The following AGAP1 variants were observed in gnomAD, a reference collection of about 807,000 sequenced individuals.
AGAP1 encodes ArfGAP with GTPase domain, ankyrin repeat and PH domain 1.
Under a neutral mutation model 105.3 loss-of-function variants are expected in AGAP1, and 29 were observed. The observed-to-expected ratio is 0.28, with a 90% CI of 0.21 to 0.38. AGAP1 has a LOEUF of 0.38. Ranked by LOEUF, AGAP1 falls within the 10% of genes least tolerant of loss-of-function variation. The pLI is 1.00. For synonymous variants in AGAP1, 509 were observed against 485.9 expected (o/e 1.05, Z -0.63); for missense variants, 998 against 1,165.1 (o/e 0.86, Z 2.09).
intron 16 of AGAP1, among the ~76,000 whole-genome samples, chr2:236,116,743 G>A (rs1300247664): frequency 1.4e-5 from 2 of 145,410 alleles, no homozygotes; most frequent in South Asian, 2.2e-4. Flanking sequence ...TTTATCCCTC[G>A]CCCCCCTCCC....
In AGAP1 at chr2:235,659,359, T is replaced by G. The variant is rs1947876348; in HGVS notation, c.164-49820T>G. On this transcript the variant is annotated intron_variant, in intron 1 of 17. Transcript: ENST00000304032. This position sits in a 1 kb window ranked among gnomAD's most constrained non-coding sequence, Gnocchi z 5.0. ...TGAATTAACGTCTGAAGTGCCACAG[T>G]GTTGTATCTGAGTGAGTAGCGTCCT... 6.6e-6 allele frequency among the ~76,000 whole-genome samples: 1 copy of G among 152,210 alleles called. No homozygotes were observed. Among genetic ancestry groups the G allele is most frequent in the Non-Finnish European group, 1.5e-5 (1 of 68,038 alleles).
intron 9 of AGAP1, among the ~76,000 whole-genome samples, chr2:235,833,224 T>C (rs575338353): frequency 1.1e-3 from 166 of 152,306 alleles, no homozygotes; most frequent in South Asian, 1.7e-3. Context: ...GCCGCCGTGC[T>C]GAGTGATGCC....
intron 1 of AGAP1, among the ~76,000 whole-genome samples, chr2:235,703,354 G>A (rs1315823032): frequency 2.6e-5 from 4 of 152,218 alleles, no homozygotes; most frequent in Admixed American, 6.5e-5. Context: ...CTGTCTCTGA[G>A]CGGGAGCATC....
At chr2:235,757,844 A>T (rs1243672618) in intron 6 of AGAP1, among the ~76,000 whole-genome samples, 1 of 152,180 alleles carries the variant, frequency 6.6e-6, no homozygotes, top group East Asian at 1.9e-4. Flanking sequence ...GTCCAGAACC[A>T]GGGGAGCTAT....
intron 16 of AGAP1, among the ~76,000 whole-genome samples, chr2:236,106,237 TTTGA>T (rs879665383): frequency 6.6e-5 from 10 of 152,310 alleles, no homozygotes; most frequent in Admixed American, 6.5e-4. Context: ...GTTTTAGAAC[TTTGA>T]TTGAAGCCTA....
chr2:235,896,735 T>C (rs1195729100), intron 10 of AGAP1, among the ~76,000 whole-genome samples: 1 of 152,228 alleles, frequency 6.6e-6, no homozygotes, highest in Non-Finnish European at 1.5e-5. Context: ...TTCTCCCATG[T>C]GTCAACAGTT....
In AGAP1 at chr2:235,574,054, C is replaced by G. The variant is rs1363231579; in HGVS notation, c.163+79205C>G. 6.6e-6 allele frequency among the ~76,000 whole-genome samples: 1 copy of G among 152,230 alleles called. No individual in the cohort carries two copies. The highest frequency in any genetic ancestry group is 1.5e-5 in the Non-Finnish European group (1 of 68,024). ...CCTGACTGTTAGCTGGTCAGGGAGG[C>G]AGGGCCTGGGTGCCTTGGGGCCTGT... On this transcript the variant is annotated intron_variant, in intron 1 of 17. Transcript: ENST00000304032. This position sits in a 1 kb window ranked among gnomAD's most constrained non-coding sequence, Gnocchi z 5.0.
Position 235,521,742 on chromosome 2 carries a change from ATGTG to A in AGAP1, c.163+26929_163+26932del, listed in dbSNP as rs59090836. ...TTTCTTGTTTTTGTTTGTTATATAT[ATGTG>A]TGTGTGTGTGTGTGTGTGTGTGTGT... On this transcript the variant is annotated intron_variant, in intron 1 of 17. Transcript: ENST00000304032. 3.0e-3 allele frequency among the ~76,000 whole-genome samples: 368 copies of A among 121,598 alleles called. 2 individuals are homozygous for A. Among genetic ancestry groups the A allele is most frequent in the African/African-American group, 9.1e-3 (286 of 31,452 alleles). The allele number at this position is 121,598 out of a possible 152,430, so 79.8% of individuals were successfully genotyped here.
rs112684301 is a variant in AGAP1, at chr2:235,709,944, A to G, written c.222+707A>G. Among the ~76,000 whole-genome samples the G allele has an allele frequency of 4.5e-3, 689 of 152,236 alleles. 8 individuals are homozygous for G. Among genetic ancestry groups the G allele is most frequent in the African/African-American group, 0.015 (630 of 41,540 alleles). ...TGTATGGTTATGTATCTGTGTATGT[A>G]TGTATATATGTGTATATATGTCTAA... On this transcript the variant is annotated intron_variant, in intron 2 of 17. Coordinates refer to ENST00000304032, the MANE Select transcript of AGAP1 (RefSeq NM_001037131.3).
chr2:235,938,784 GAGA>G (rs1340453639), intron 12 of AGAP1, among the ~76,000 whole-genome samples: 1 of 152,116 alleles, frequency 6.6e-6, no homozygotes, highest in Non-Finnish European at 1.5e-5. Flanking sequence ...CCGAGATGGG[GAGA>G]GGGGCCTGAA....
intron 10 of AGAP1, among the ~76,000 whole-genome samples, chr2:235,892,748 G>C (rs1176383270): frequency 1.3e-5 from 2 of 152,130 alleles, no homozygotes; most frequent in Non-Finnish European, 2.9e-5. Context: ...CACCTTCACT[G>C]TCTGCTAGGA....
chr2:235,500,181 G>A (rs781278456), intron 1 of AGAP1, among the ~76,000 whole-genome samples: 12 of 152,130 alleles, frequency 7.9e-5, no homozygotes, highest in Non-Finnish European at 1.3e-4. Flanking sequence ...TGGTGTTTAT[G>A]TTGGGTGTAA....
At chr2:235,876,746 C>A (rs1371282311) in intron 9 of AGAP1, among the ~76,000 whole-genome samples, 1 of 152,180 alleles carries the variant, frequency 6.6e-6, no homozygotes, top group African/African-American at 2.4e-5. Context: ...CATCTGCGTT[C>A]TCCTTGCCTG....
chr2:235,572,123 TG>T lies in AGAP1; in HGVS notation c.163+77275del, dbSNP rs141454765. The stretch of plus-strand genomic sequence containing the variant: ...GGGGGCTTAGCCTCTAATTTGGGTC[TG>T]AACTTTATTGAGCTTTGCTTGGCAA... On this transcript the variant is annotated intron_variant, in intron 1 of 17. Coordinates refer to ENST00000304032, the MANE Select transcript of AGAP1 (RefSeq NM_001037131.3). Among the ~76,000 whole-genome samples the T allele has an allele frequency of 4.7e-3, 707 of 151,538 alleles. 16 individuals carry two copies. The East Asian group carries it at 0.077, about 16-fold the overall frequency.
At position 236,061,672 on chromosome 2, in the gene AGAP1, G is replaced by C. The variant is rs964611901; in HGVS notation, c.2114+12391G>C. On this transcript the variant is annotated intron_variant, in intron 16 of 17. Transcript: ENST00000304032. This position sits in a 1 kb window ranked among gnomAD's most constrained non-coding sequence, Gnocchi z 4.1. ...GGCACCTCCATAGTAATGCAAAGTA[G>C]ATTCCTGCTTGCCAGGTGCAGGGGA... is the stretch of plus-strand genomic sequence containing the variant. Among the ~76,000 whole-genome samples the C allele has an allele frequency of 6.6e-6, 1 of 152,176 alleles. No homozygotes were observed. Among genetic ancestry groups the C allele is most frequent in the African/African-American group, 2.4e-5 (1 of 41,452 alleles).
At chr2:235,538,366 C>G (rs1267711528) in intron 1 of AGAP1, among the ~76,000 whole-genome samples, 4 of 151,506 alleles carry the variant, frequency 2.6e-5, no homozygotes, top group Non-Finnish European at 5.9e-5. Context: ...GGATTCTACT[C>G]AGACTGTCGG....
intron 6 of AGAP1, among the ~76,000 whole-genome samples, chr2:235,770,478 A>G (rs1254903795): frequency 2.6e-5 from 4 of 152,048 alleles, no homozygotes; most frequent in Non-Finnish European, 5.9e-5. Flanking sequence ...CCCAGGCCGG[A>G]GTGCAGTGGT....
chr2:235,915,048 C>T (rs916074521), intron 11 of AGAP1, among the ~76,000 whole-genome samples: 11 of 152,194 alleles, frequency 7.2e-5, no homozygotes, highest in South Asian at 4.2e-4. Context: ...TGAAGTGCAC[C>T]GGCCAGCTCA....
intron 1 of AGAP1, among the ~76,000 whole-genome samples, chr2:235,694,120 G>A (rs1949878460): frequency 6.6e-6 from 1 of 151,898 alleles, no homozygotes; most frequent in African/African-American, 2.4e-5. Flanking sequence ...GAGGTGGGTG[G>A]ATCATCTGAG....
Sources: gnomAD v4.1 joint callset for allele counts (sites outside exome capture counted in the v4.1 genomes callset) on GRCh38, gnomAD v4.1.1 for gene constraint, Gnocchi (gnomAD v3.1) non-coding constraint, MANE v1.5 for transcripts, NCBI Gene and HGNC (gene_info 2026-07-23, HGNC 2026-07-21) for gene names.